Variants in RNF217 observed in about 807,000 individuals in gnomAD.
The protein encoded by RNF217 is E3 ubiquitin-protein ligase RNF217.
RNF217 carries 31 observed loss-of-function variants against 57.8 expected under a neutral mutation model. The ratio of observed to expected loss-of-function variants is 0.54; its 90% CI spans 0.40 to 0.72. The LOEUF (loss-of-function observed/expected upper bound fraction) is 0.72. Ranked by LOEUF, RNF217 falls within the 30% of genes least tolerant of loss-of-function variation. RNF217 has a pLI of 0.00. For synonymous variants in RNF217, 313 were observed against 294.0 expected (o/e 1.06, Z -0.66); for missense variants, 696 against 708.3 (o/e 0.98, Z 0.20).
Position 125,084,362 on chromosome 6 carries a change from T to G in RNF217, c.*1425T>G, listed in dbSNP as rs1788707758. 1 of 151,902 alleles carries G rather than the reference T, an allele frequency of 6.6e-6. No individual in the cohort carries two copies. Among genetic ancestry groups the G allele is most frequent in the Non-Finnish European group, 1.5e-5 (1 of 67,884 alleles). The allele number at this position is 151,902 out of a possible 1,614,324, so 9.4% of individuals were successfully genotyped here. A position where few individuals can be genotyped will look rare whatever the true frequency, so the allele number is the denominator to read the frequency against. On this transcript the variant is annotated 3_prime_UTR_variant, in exon 6 of 6. Transcript: ENST00000521654. ...ATAAGAAATTGACAAGTAACTAGAC[T>G]ATGATATGCCTTTGCTTTCATCACA...
intron 1 of RNF217, among the ~76,000 whole-genome samples, chr6:125,035,839 G>T (rs1273828365): frequency 6.7e-6 from 1 of 148,268 alleles, no homozygotes; most frequent in African/African-American, 2.5e-5. Flanking sequence ...TTATTTGTGG[G>T]TTTTTTTGTT....
At chr6:124,984,791 A>G (rs930031646) in intron 1 of RNF217, among the ~76,000 whole-genome samples, 3 of 152,152 alleles carry the variant, frequency 2.0e-5, no homozygotes, top group Admixed American at 1.3e-4. Context: ...AACCTGAGAA[A>G]TACAACTCTG....
intron 1 of RNF217, among the ~76,000 whole-genome samples, chr6:125,043,944 C>A (rs1157546340): frequency 2.0e-5 from 3 of 152,002 alleles, no homozygotes; most frequent in Admixed American, 6.6e-5. Context: ...AGCTCATGTC[C>A]TTTTCTGGTA....
chr6:125,028,361 A>G (rs550179676), intron 1 of RNF217, among the ~76,000 whole-genome samples: 3 of 152,194 alleles, frequency 2.0e-5, no homozygotes, highest in South Asian at 4.1e-4. Flanking sequence ...TGCCATTTGT[A>G]GGTCTTCTTT....
rs914431112 is a variant in RNF217 at position 125,083,852 on chromosome 6, C to T, written c.*915C>T. ...CAAAACTGGCTGCTTTTAGGAAATT[C>T]TCAAGACACAAATATTCAGTCTTTT... On this transcript the variant is annotated 3_prime_UTR_variant, in exon 6 of 6. Transcript: ENST00000521654. The T allele has an allele frequency of 6.6e-6, 1 of 152,076 alleles. No individual in the cohort carries two copies. The highest frequency in any genetic ancestry group is 1.5e-5 in the Non-Finnish European group (1 of 67,988). The allele number at this position is 152,076 out of a possible 1,614,324, so 9.4% of individuals were successfully genotyped here.
intron 1 of RNF217, among the ~76,000 whole-genome samples, chr6:124,968,319 T>C (rs1040758193): frequency 6.6e-6 from 1 of 152,118 alleles, no homozygotes; most frequent in African/African-American, 2.4e-5. Context: ...CTTATCCTTC[T>C]GTGTGCAAAA....
chr6:125,019,403 A>T (rs1785736652), intron 1 of RNF217, among the ~76,000 whole-genome samples: 1 of 152,194 alleles, frequency 6.6e-6, no homozygotes, highest in East Asian at 1.9e-4. Flanking sequence ...CTCGATAGCT[A>T]TCATACAGTT....
chr6:124,980,697 G>C (rs1030803115), intron 1 of RNF217, among the ~76,000 whole-genome samples: 1 of 106,466 alleles, frequency 9.4e-6, no homozygotes, highest in African/African-American at 3.6e-5. Flanking sequence ...TTTTTGGTTA[G>C]AGTAGAGTGA....
chr6:125,021,912 C>G (rs1364221646), intron 1 of RNF217, among the ~76,000 whole-genome samples: 1 of 151,766 alleles, frequency 6.6e-6, no homozygotes, highest in African/African-American at 2.4e-5. Flanking sequence ...GATGGAGTCT[C>G]ACTCTGTCAC....
At chr6:125,045,864 A>G (rs1257618411) in intron 2 of RNF217, among the ~76,000 whole-genome samples, 1 of 152,072 alleles carries the variant, frequency 6.6e-6, no homozygotes, top group Non-Finnish European at 1.5e-5. Flanking sequence ...TCATTTATTC[A>G]GCAAATACAG....
intron 2 of RNF217, among the ~76,000 whole-genome samples, chr6:125,051,207 A>G (rs146038020): frequency 4.9e-4 from 75 of 152,136 alleles, no homozygotes; most frequent in African/African-American, 1.8e-3. Flanking sequence ...AAAACAAACT[A>G]TAGTAATAAT....
At chr6:125,056,190 T>A (rs1422032926) in intron 2 of RNF217, among the ~76,000 whole-genome samples, 1 of 152,122 alleles carries the variant, frequency 6.6e-6, no homozygotes, top group Non-Finnish European at 1.5e-5. Flanking sequence ...ATAGTGAAAA[T>A]TATGCTAAAC....
At chr6:125,026,547 T>A (rs6918189) in intron 1 of RNF217, among the ~76,000 whole-genome samples, 7,152 of 152,274 alleles carry the variant, frequency 0.047, 598 homozygotes, top group African/African-American at 0.16. Flanking sequence ...AGCGTAAACG[T>A]GTCATCAGTA....
intron 3 of RNF217, among the ~76,000 whole-genome samples, chr6:125,061,502 G>A (rs539107521): frequency 6.6e-5 from 10 of 151,254 alleles, no homozygotes; most frequent in African/African-American, 2.4e-4. Flanking sequence ...GGACAGATTG[G>A]GGCATATTTT....
chr6:124,996,351 T>C (rs1434568035), intron 1 of RNF217, among the ~76,000 whole-genome samples: 2 of 152,168 alleles, frequency 1.3e-5, no homozygotes, highest in Non-Finnish European at 2.9e-5. Flanking sequence ...TTCTCTGATG[T>C]GCTTTTTCTT....
At chr6:124,982,437 C>T (rs903179622) in intron 1 of RNF217, among the ~76,000 whole-genome samples, 3 of 152,058 alleles carry the variant, frequency 2.0e-5, no homozygotes, top group African/African-American at 7.2e-5. Flanking sequence ...ATATTTATCT[C>T]ACTTTCCAGA....
chr6:125,013,732 C>T (rs139252852), intron 1 of RNF217, among the ~76,000 whole-genome samples: 1 of 152,208 alleles, frequency 6.6e-6, no homozygotes, highest in East Asian at 1.9e-4. Flanking sequence ...ACATCCCAGT[C>T]ATTCATTGTG....
intron 1 of RNF217, among the ~76,000 whole-genome samples, chr6:124,994,623 G>C (rs1784678966): frequency 6.6e-6 from 1 of 152,114 alleles, no homozygotes. Context: ...CTAGCATGAT[G>C]TTAGGTAGAT....
intron 2 of RNF217, among the ~76,000 whole-genome samples, chr6:125,045,949 A>G (rs1171052230): frequency 6.6e-6 from 1 of 152,098 alleles, no homozygotes; most frequent in East Asian, 1.9e-4. Context: ...TGCTTCAAAA[A>G]AAGTCGAAGA....
Sources: gnomAD v4.1 joint callset for allele counts (sites outside exome capture counted in the v4.1 genomes callset) on GRCh38, gnomAD v4.1.1 for gene constraint, MANE v1.5 for transcripts, NCBI Gene and HGNC (gene_info 2026-07-23, HGNC 2026-07-21) for gene names.